Variants in KAZN observed in about 807,000 individuals in gnomAD.
The protein encoded by KAZN is kazrin, periplakin interacting protein, also known as kazrin.
KAZN carries 40 observed loss-of-function variants against 87.4 expected under a neutral mutation model. That is an observed-to-expected ratio of 0.46 (90% CI 0.36 to 0.60). The LOEUF is 0.60. KAZN is among the 20% of genes least tolerant of loss of function. The pLI is 0.00. For missense variants in KAZN, 898 were observed against 1,073.9 expected (o/e 0.84, Z 2.29); for synonymous variants, 466 against 458.3 (o/e 1.02, Z -0.22).
chr1:14,814,313 GCC>G (rs1364478459), intron 1 of KAZN, among the ~76,000 whole-genome samples: 5 of 152,030 alleles, frequency 3.3e-5, no homozygotes, highest in African/African-American at 9.7e-5. Flanking sequence ...TGAAACCTCT[GCC>G]CCCCGGGTTC....
At chr1:14,985,435 C>G (rs1363677831) in intron 2 of KAZN, among the ~76,000 whole-genome samples, 1 of 151,748 alleles carries the variant, frequency 6.6e-6, no homozygotes, top group South Asian at 2.1e-4. Flanking sequence ...GGGGCTGAGG[C>G]AGGAGGATGG....
At chr1:14,406,027 T>A (rs10927425) in intron 2 of KAZN, among the ~76,000 whole-genome samples, 1 of 152,018 alleles carries the variant, frequency 6.6e-6, no homozygotes, top group Non-Finnish European at 1.5e-5. Context: ...GACCTACTAG[T>A]TGATAGCACA....
intron 1 of KAZN, among the ~76,000 whole-genome samples, chr1:14,049,420 A>T (rs112330716): frequency 9.8e-5 from 15 of 152,350 alleles, no homozygotes; most frequent in African/African-American, 3.6e-4. Context: ...TACATATGTA[A>T]CTAACCTGCA....
intron 1 of KAZN, among the ~76,000 whole-genome samples, chr1:13,945,372 G>A (rs1356375374): frequency 2.2e-4 from 34 of 151,946 alleles, no homozygotes; most frequent in Non-Finnish European, 2.1e-4. Flanking sequence ...TACTCGGGAA[G>A]CTGAGGCAGG....
At chr1:14,757,814 T>C (rs570802371) in intron 1 of KAZN, among the ~76,000 whole-genome samples, 2 of 152,288 alleles carry the variant, frequency 1.3e-5, no homozygotes, top group South Asian at 4.2e-4. Context: ...GGATTAAGAA[T>C]TCATTTTCCT....
chr1:14,407,200 C>T (rs149168586), intron 2 of KAZN, among the ~76,000 whole-genome samples: 1 of 152,184 alleles, frequency 6.6e-6, no homozygotes, highest in Non-Finnish European at 1.5e-5. Context: ...TTCAACAATG[C>T]TCCTGTGAAC....
intron 2 of KAZN, among the ~76,000 whole-genome samples, chr1:14,406,863 T>A (rs139009285): frequency 6.6e-6 from 1 of 152,312 alleles, no homozygotes; most frequent in Non-Finnish European, 1.5e-5. Context: ...GTTTTCTCGA[T>A]TGTAAAAGAC....
In KAZN at chr1:14,122,114, G is replaced by A. The variant is rs12062640; in HGVS notation, c.92-58321G>A. Among the ~76,000 whole-genome samples, 1,504 of 152,188 alleles carry A rather than the reference G, an allele frequency of 9.9e-3. 30 individuals are homozygous for A. The highest frequency in any genetic ancestry group is 0.034 in the African/African-American group (1,393 of 41,504). On this transcript the variant is annotated intron_variant, in intron 1 of 16. Coordinates refer to the KAZN transcript ENST00000636203. ...GAGCCAGCTGTCAATTGGTGTAGACGGGAAGTGCTGCAACAGGGAGACCCA... is the reference window on the plus strand; with the variant it reads ...GAGCCAGCTGTCAATTGGTGTAGACAGGAAGTGCTGCAACAGGGAGACCCA...
intron 2 of KAZN, among the ~76,000 whole-genome samples, chr1:14,447,263 G>T (rs1472788974): frequency 7.4e-6 from 1 of 135,374 alleles, no homozygotes; most frequent in Non-Finnish European, 1.6e-5. Flanking sequence ...TATTGAGGCA[G>T]AATTTTGCTC....
intron 4 of KAZN, among the ~76,000 whole-genome samples, chr1:15,054,403 A>C (rs568728907): frequency 3.9e-5 from 6 of 152,248 alleles, no homozygotes; most frequent in Admixed American, 3.9e-4. Flanking sequence ...GTGCATTAAC[A>C]CTTTGAGAGG....
intron 1 of KAZN, among the ~76,000 whole-genome samples, chr1:14,839,911 G>A (rs903132512): frequency 4.6e-5 from 7 of 152,080 alleles, no homozygotes; most frequent in African/African-American, 1.7e-4. Flanking sequence ...CTTTTCTCTG[G>A]GTTGCAATAA....
At chr1:14,658,602 A>C (rs147745511) in intron 1 of KAZN, among the ~76,000 whole-genome samples, 1 of 152,134 alleles carries the variant, frequency 6.6e-6, no homozygotes, top group African/African-American at 2.4e-5. Flanking sequence ...GACTTGGAAA[A>C]TATATGTATA....
chr1:14,141,974 A>G lies in KAZN; in HGVS notation c.92-38461A>G, dbSNP rs546847816. Among the ~76,000 whole-genome samples the G allele has an allele frequency of 2.6e-5, 4 of 152,138 alleles. No homozygotes were observed. The South Asian group carries it at 8.3e-4, about 32-fold the overall frequency. ...ATGAGAATTGATATTTTTTCCCCTC[A>G]TTATTTGTTCTCATGTTGCTATAAA... On this transcript the variant is annotated intron_variant, in intron 1 of 16. Transcript: ENST00000636203.
chr1:14,803,004 C>A (rs957289741), intron 1 of KAZN, among the ~76,000 whole-genome samples: 1 of 152,158 alleles, frequency 6.6e-6, no homozygotes, highest in Non-Finnish European at 1.5e-5. Context: ...TGCTTTCTGA[C>A]CCACCCTCCT....
rs111577316 is a variant in KAZN at position 14,613,623 on chromosome 1, A to T, written c.226+14400A>T. The stretch of plus-strand genomic sequence containing the variant: ...TTCAGTAGCTTTGTCAAATGGTTAC[A>T]GCTTCGGTATTGCATATATTTGAAA... On this transcript the variant is annotated intron_variant, in intron 1 of 14. Coordinates refer to ENST00000376030, the MANE Select transcript of KAZN (RefSeq NM_201628.3). Among the ~76,000 whole-genome samples the T allele has an allele frequency of 1.8e-3, 280 of 152,368 alleles. 2 individuals are homozygous for T. Among genetic ancestry groups the T allele is most frequent in the African/African-American group, 6.4e-3 (265 of 41,578 alleles).
chr1:13,912,327 T>C (rs1639683807), intron 1 of KAZN, among the ~76,000 whole-genome samples: 1 of 152,080 alleles, frequency 6.6e-6, no homozygotes, highest in South Asian at 2.1e-4. Context: ...CTCTGCTGAG[T>C]TGGTGATTTG....
chr1:14,587,447 GAA>G (rs59612903), intron 2 of KAZN, among the ~76,000 whole-genome samples: 29 of 127,960 alleles, frequency 2.3e-4, no homozygotes, highest in East Asian at 1.6e-3. Flanking sequence ...AAAAAAAAAA[GAA>G]AAAAAAAAAA....
chr1:14,476,759 A>G (rs566400438), intron 2 of KAZN, among the ~76,000 whole-genome samples: 1 of 152,140 alleles, frequency 6.6e-6, no homozygotes, highest in Non-Finnish European at 1.5e-5. Flanking sequence ...TGATGATTCA[A>G]CTCACAGTAG....
At chr1:13,926,276 C>T (rs1012977390) in intron 1 of KAZN, among the ~76,000 whole-genome samples, 2 of 152,094 alleles carry the variant, frequency 1.3e-5, no homozygotes, top group African/African-American at 2.4e-5. Context: ...GGCTGTCTGC[C>T]CTGGCTGGCT....
Sources: gnomAD v4.1 joint callset for allele counts (sites outside exome capture counted in the v4.1 genomes callset) on GRCh38, gnomAD v4.1.1 for gene constraint, MANE v1.5 for transcripts, NCBI Gene and HGNC (gene_info 2026-07-23, HGNC 2026-07-21) for gene names.